The following JMY variants were observed in gnomAD, a reference collection of about 807,000 sequenced individuals.
JMY encodes the protein junction mediating and regulatory protein, p53 cofactor, also known as junction-mediating and -regulatory protein.
JMY carries 46 observed loss-of-function variants against 103.3 expected under a neutral mutation model. That is an observed-to-expected ratio of 0.45 (90% confidence interval 0.35 to 0.57). JMY has a LOEUF of 0.57. Ranked by LOEUF, JMY falls within the 20% of genes least tolerant of loss-of-function variation. The pLI, the probability that JMY is intolerant of heterozygous loss-of-function variation, is 0.00. For missense variants in JMY, 1,238 were observed against 1,255.2 expected, an observed-to-expected ratio of 0.99 and a Z score of 0.21; for synonymous variants, 526 against 489.3, an observed-to-expected ratio of 1.07 and a Z score of -0.99.
intron 6 of JMY, among the ~76,000 whole-genome samples, chr5:79,303,178 A>T (rs1213557365): frequency 2.0e-5 from 3 of 152,202 alleles, no homozygotes; most frequent in Non-Finnish European, 1.5e-5. Flanking sequence ...CCTGGGTCTT[A>T]TAAGAGTGTA....
chr5:79,316,018 A>G lies in JMY; in HGVS notation c.2678A>G (p.Glu893Gly). 6.2e-7 allele frequency: 1 copy of G among 1,613,886 alleles called. No individual in the cohort carries two copies. Among genetic ancestry groups the G allele is most frequent in the Non-Finnish European group, 8.5e-7 (1 of 1,179,842 alleles). Residue 893 changes from glutamate to glycine, a missense_variant, in exon 10 of 11, where the codon GAG becomes GGG. By Grantham distance (98) the Glu-to-Gly change is moderately conservative. Coordinates refer to ENST00000396137, the MANE Select transcript of JMY (RefSeq NM_152405.5). ...QRRRVSSPMD[E>G]VLASLKRGSF... is the part of the protein sequence containing the mutation. ...TCCAAAGTGAGCTCACCCATGGATG[A>G]GGTGCTAGCCTCCTTGAAGCGTGGT...
rs571435207 is a variant in JMY at position 79,301,975 on chromosome 5, C to G, written c.1881+1112C>G. 2.5e-4 allele frequency among the ~76,000 whole-genome samples: 38 copies of G among 149,700 alleles called. No homozygotes were observed. The East Asian group carries it at 7.5e-3, about 29-fold the overall frequency. ...GCACGCGCCTGTAATCCCAGCTACTCGGGAGGCTGAGGCAGGAGAATCGCT... is the reference window on the plus strand; with the variant it reads ...GCACGCGCCTGTAATCCCAGCTACTGGGGAGGCTGAGGCAGGAGAATCGCT... On this transcript the variant is annotated intron_variant, in intron 6 of 10. Transcript: ENST00000396137.
At chr5:79,247,150 A>G (rs1329396687) in intron 1 of JMY, among the ~76,000 whole-genome samples, 2 of 152,226 alleles carry the variant, frequency 1.3e-5, no homozygotes, top group Non-Finnish European at 2.9e-5. Flanking sequence ...ATGTTGTCCA[A>G]TTGAAATATA....
intron 1 of JMY, among the ~76,000 whole-genome samples, chr5:79,270,492 T>C (rs1318511838): frequency 1.2e-5 from 1 of 83,900 alleles, no homozygotes; most frequent in Admixed American, 1.3e-4. Context: ...AATATTTACA[T>C]AAAATATATA....
rs770440283 is a variant in JMY, at chr5:79,314,654, C to G, written c.2462C>G (p.Pro821Arg). Reference protein sequence around the residue: ...PPPPPPPPPPPPPPPLPVAKD... With the variant: ...PPPPPPPPPPRPPPPLPVAKD... The stretch of plus-strand genomic sequence containing the variant: ...CCTCCCCCACCTCCTCCCCCTCCCC[C>G]ACCACCACCACCTCTGCCTGTTGCT... The change falls in exon 9 of 11, where the codon CCA (proline) becomes CGA (arginine). Residue 821 changes from proline (P) to arginine (R), a missense_variant. Physicochemically the swap from Pro to Arg is moderately radical, Grantham distance 103. Coordinates refer to ENST00000396137, the MANE Select transcript of JMY (RefSeq NM_152405.5). 7 of 1,580,798 alleles carry G rather than the reference C, an allele frequency of 4.4e-6. No homozygotes were observed. In the East Asian group the frequency reaches 1.4e-4, roughly 31 times the overall value.
intron 1 of JMY, among the ~76,000 whole-genome samples, chr5:79,239,743 T>C (rs1744674402): frequency 6.6e-6 from 1 of 150,710 alleles, no homozygotes; most frequent in South Asian, 2.1e-4. Context: ...CCAGGAGGCG[T>C]AGCTTGCAAT....
At chr5:79,281,353 ATTTTTTTTT>A (rs35881012) in intron 2 of JMY, among the ~76,000 whole-genome samples, 2 of 116,746 alleles carry the variant, frequency 1.7e-5, no homozygotes, top group African/African-American at 6.4e-5. Flanking sequence ...CAAGAAATTA[ATTTTTTTTT>A]TTTTTTTTTT....
chr5:79,249,675 G>GT (rs1745015577), intron 1 of JMY, among the ~76,000 whole-genome samples: 1 of 152,204 alleles, frequency 6.6e-6, no homozygotes, highest in Non-Finnish European at 1.5e-5. Flanking sequence ...TCAAAATTGA[G>GT]TAATGTTTTT....
intron 6 of JMY, among the ~76,000 whole-genome samples, chr5:79,301,812 C>T (rs894824128): frequency 2.6e-5 from 4 of 152,122 alleles, no homozygotes; most frequent in African/African-American, 4.8e-5. Context: ...GCAGGCTGGG[C>T]GCGGTGGCTC....
In JMY at chr5:79,324,232, T is replaced by A. The variant is rs145716324; in HGVS notation, c.*2630T>A. The A allele has an allele frequency of 6.6e-6, 1 of 152,346 alleles. No individual in the cohort carries two copies. The highest frequency in any genetic ancestry group is 2.4e-5 in the African/African-American group (1 of 41,580). The allele number at this position is 152,346 out of a possible 1,614,324, so 9.4% of individuals were successfully genotyped here. Reference sequence around the variant, plus strand: ...AGCCTGGTTAAATGTCCTTTTTTCTTCTTGCCTCTAATAAAATCAGGATCT... The same window carrying A: ...AGCCTGGTTAAATGTCCTTTTTTCTACTTGCCTCTAATAAAATCAGGATCT... On this transcript the variant is annotated 3_prime_UTR_variant, in exon 11 of 11. Transcript: ENST00000396137.
chr5:79,305,786 T>C (rs1335078819), intron 6 of JMY, among the ~76,000 whole-genome samples: 2 of 152,226 alleles, frequency 1.3e-5, no homozygotes, highest in African/African-American at 4.8e-5. Flanking sequence ...CTCATATTGT[T>C]TAAGCCAGTC....
chr5:79,283,923 A>G (rs1230440014), intron 2 of JMY, among the ~76,000 whole-genome samples: 1 of 152,244 alleles, frequency 6.6e-6, no homozygotes, highest in Non-Finnish European at 1.5e-5. Context: ...TAAATCTACA[A>G]AACTTCAAAA....
At chr5:79,305,114 T>G (rs1243642256) in intron 6 of JMY, among the ~76,000 whole-genome samples, 3 of 152,192 alleles carry the variant, frequency 2.0e-5, no homozygotes, top group African/African-American at 7.2e-5. Flanking sequence ...AATAACAGTT[T>G]ACTGACTTCA....
At chr5:79,266,710 AC>A (rs1467648344) in intron 1 of JMY, among the ~76,000 whole-genome samples, 3 of 152,158 alleles carry the variant, frequency 2.0e-5, no homozygotes, top group Non-Finnish European at 4.4e-5. Context: ...GTATCCATTA[AC>A]CAACTTCTCT....
At chr5:79,305,641 C>T (rs957005591) in intron 6 of JMY, among the ~76,000 whole-genome samples, 3 of 152,022 alleles carry the variant, frequency 2.0e-5, no homozygotes, top group African/African-American at 7.2e-5. Context: ...ACAGTTATTG[C>T]AAAAATCCTG....
rs1380661287 is a variant in JMY, at chr5:79,236,683, G to T, written c.33G>T (p.Ser11=). The T allele has an allele frequency of 8.8e-5, 130 of 1,483,372 alleles. No homozygotes were observed. Among genetic ancestry groups the T allele is most frequent in the Non-Finnish European group, 1.1e-4 (118 of 1,112,204 alleles). 91.9% of individuals were successfully genotyped at this position (1,483,372 alleles called of 1,614,324 possible). A position where few individuals can be genotyped will look rare whatever the true frequency, so the allele number is the denominator to read the frequency against. ...TCGCGCTGGAGGAGACGCTCGAGTC[G>T]GACTGGGTGGCTGTGCGGCCCCATG... MSFALEETLE[S]DWVAVRPHVF... Residue 11 remains serine (S), a synonymous_variant, in exon 1 of 11, where the codon TCG becomes TCT. Coordinates refer to ENST00000396137, the MANE Select transcript of JMY (RefSeq NM_152405.5).
chr5:79,278,489 C>T (rs950847929), intron 2 of JMY, among the ~76,000 whole-genome samples: 1 of 150,208 alleles, frequency 6.7e-6, no homozygotes, highest in African/African-American at 2.5e-5. Flanking sequence ...TGGTGCCTCA[C>T]ACCCGTAGTC....
intron 1 of JMY, among the ~76,000 whole-genome samples, chr5:79,256,325 G>T (rs987284996): frequency 6.6e-6 from 1 of 152,092 alleles, no homozygotes; most frequent in Non-Finnish European, 1.5e-5. Context: ...CCACCCTTCA[G>T]GGCAGTAGCT....
Position 79,304,990 on chromosome 5 carries a change from CATT to C in JMY, c.1882-1382_1882-1380del, listed in dbSNP as rs939560170. Among the ~76,000 whole-genome samples the C allele has an allele frequency of 5.3e-4, 81 of 152,208 alleles. 1 individual carries two copies. Among genetic ancestry groups the C allele is most frequent in the Non-Finnish European group, 2.5e-4 (17 of 68,028 alleles). The stretch of plus-strand genomic sequence containing the variant: ...GAGTTACTGTATCACCAAGTCATGA[CATT>C]ATCTAACACGCCCTTTGTTTTCCCC... On this transcript the variant is annotated intron_variant, in intron 6 of 10. Transcript: ENST00000396137.
Sources: allele counts gnomAD v4.1 joint callset (sites outside exome capture counted in the v4.1 genomes callset), GRCh38; gene constraint gnomAD v4.1.1; transcripts MANE v1.5; gene names NCBI Gene and HGNC (gene_info 2026-07-23, HGNC 2026-07-21).